PIBF1: variants seen among roughly 807,000 people sequenced by gnomAD.
PIBF1 encodes the protein progesterone-induced-blocking factor 1.
In PIBF1, 90 loss-of-function variants were observed where a neutral mutation model predicts 112.5. That is an observed-to-expected ratio of 0.80 (90% CI 0.67 to 0.95). PIBF1 has a LOEUF of 0.95. PIBF1 is among the 40% of genes least tolerant of loss of function. PIBF1 has a pLI of 0.00. For synonymous variants in PIBF1, 301 were observed against 288.6 expected (o/e 1.04, Z -0.44); for missense variants, 915 against 852.3 (o/e 1.07, Z -0.92).
intron 17 of PIBF1, among the ~76,000 whole-genome samples, chr13:73,007,514 T>C (rs1400979354): frequency 6.6e-6 from 1 of 152,100 alleles, no homozygotes; most frequent in Non-Finnish European, 1.5e-5. Context: ...GTTTGTTTTT[T>C]ACCTTTTAAA....
chr13:72,851,268 A>G (rs902018846), intron 9 of PIBF1, among the ~76,000 whole-genome samples: 27 of 152,270 alleles, frequency 1.8e-4, no homozygotes, highest in South Asian at 1.2e-3. Flanking sequence ...TTCCCTCACT[A>G]TCTTCGGCCT....
At chr13:72,822,724 G>A (rs1593978309) in intron 6 of PIBF1, among the ~76,000 whole-genome samples, 2 of 152,304 alleles carry the variant, frequency 1.3e-5, no homozygotes, top group East Asian at 3.9e-4. Flanking sequence ...GATTTAAATT[G>A]TGTAATTTAA....
chr13:72,826,120 T>A (rs967629830), intron 6 of PIBF1, among the ~76,000 whole-genome samples: 7 of 151,844 alleles, frequency 4.6e-5, no homozygotes, highest in African/African-American at 7.2e-5. Flanking sequence ...AAAATTTTTT[T>A]AATTAAAAAT....
intron 14 of PIBF1, among the ~76,000 whole-genome samples, chr13:72,964,262 T>C (rs1185215073): frequency 1.3e-5 from 2 of 152,148 alleles, no homozygotes; most frequent in East Asian, 1.9e-4. Context: ...ATTCCACTTA[T>C]GTGAGGTATC....
At chr13:72,876,199 A>C (rs548589995) in intron 10 of PIBF1, among the ~76,000 whole-genome samples, 2 of 133,930 alleles carry the variant, frequency 1.5e-5, no homozygotes, top group Admixed American at 8.5e-5. Flanking sequence ...TGAAAAGACT[A>C]TCTTTCCACC....
chr13:72,936,238 T>C (rs140091194), intron 14 of PIBF1, among the ~76,000 whole-genome samples: 539 of 152,192 alleles, frequency 3.5e-3, no homozygotes, highest in African/African-American at 0.011. Context: ...GGTCTCACTA[T>C]GTTGCTCAGG....
intron 17 of PIBF1, among the ~76,000 whole-genome samples, chr13:73,015,387 C>T (rs1016574993): frequency 6.6e-6 from 1 of 152,176 alleles, no homozygotes; most frequent in South Asian, 2.1e-4. Flanking sequence ...TACAGCCTGT[C>T]GCCTTTTAGG....
intron 10 of PIBF1, among the ~76,000 whole-genome samples, chr13:72,876,521 G>C (rs1221270704): frequency 1.3e-5 from 2 of 152,082 alleles, no homozygotes; most frequent in Non-Finnish European, 2.9e-5. Flanking sequence ...AATCAATCTT[G>C]CAAGAACTGA....
At chr13:72,843,381 G>T (rs1050379254) in intron 9 of PIBF1, among the ~76,000 whole-genome samples, 2 of 152,224 alleles carry the variant, frequency 1.3e-5, no homozygotes, top group Non-Finnish European at 2.9e-5. Context: ...TAGTGTCAGA[G>T]TGATTGGTGA....
chr13:72,882,804 A>T (rs1211254565), intron 10 of PIBF1, among the ~76,000 whole-genome samples: 1 of 152,226 alleles, frequency 6.6e-6, no homozygotes, highest in Admixed American at 6.5e-5. Flanking sequence ...GCTGATGAGG[A>T]TGTGGAGTAA....
intron 9 of PIBF1, among the ~76,000 whole-genome samples, chr13:72,851,160 C>T (rs998013450): frequency 6.6e-6 from 1 of 152,192 alleles, no homozygotes; most frequent in Non-Finnish European, 1.5e-5. Context: ...CAGCAGGAGC[C>T]GGAAACAGGC....
intron 16 of PIBF1, among the ~76,000 whole-genome samples, chr13:72,996,662 C>T (rs185494553): frequency 6.6e-6 from 1 of 152,028 alleles, no homozygotes; most frequent in East Asian, 1.9e-4. Flanking sequence ...GGGGAATGCC[C>T]CTGTAGTCCT....
intron 2 of PIBF1, among the ~76,000 whole-genome samples, chr13:72,785,544 A>G (rs1253073994): frequency 6.6e-6 from 1 of 152,306 alleles, no homozygotes; most frequent in East Asian, 1.9e-4. Flanking sequence ...TCTAAAGCCT[A>G]TACTCTACAC....
At chr13:72,879,078 A>G (rs1270115761) in intron 10 of PIBF1, among the ~76,000 whole-genome samples, 4 of 152,160 alleles carry the variant, frequency 2.6e-5, no homozygotes, top group African/African-American at 9.6e-5. Context: ...TAGAGCATTT[A>G]CATACAATGT....
At chr13:72,879,706 A>C (rs745385056) in intron 10 of PIBF1, among the ~76,000 whole-genome samples, 3 of 152,234 alleles carry the variant, frequency 2.0e-5, no homozygotes, top group Non-Finnish European at 4.4e-5. Context: ...TCGACAAACT[A>C]TGGCCGATAG....
chr13:72,999,170 T>A (rs1250404120), intron 17 of PIBF1, among the ~76,000 whole-genome samples, 175 bp downstream of exon 17: 1 of 152,180 alleles, frequency 6.6e-6, no homozygotes, highest in African/African-American at 2.4e-5. Context: ...ATTACCTATC[T>A]TATAGATGAT....
intron 5 of PIBF1, among the ~76,000 whole-genome samples, chr13:72,809,133 T>C (rs61966351): frequency 6.0e-5 from 1 of 16,618 alleles, no homozygotes; most frequent in African/African-American, 2.5e-4. Context: ...TATATGTCCC[T>C]TTTTTTTTTT....
At chr13:72,970,224 G>A (rs2042853028) in intron 15 of PIBF1, among the ~76,000 whole-genome samples, 1 of 152,028 alleles carries the variant, frequency 6.6e-6, no homozygotes, top group Admixed American at 6.6e-5. Flanking sequence ...CACATTAAAA[G>A]CTAACATTTG....
intron 14 of PIBF1, among the ~76,000 whole-genome samples, chr13:72,940,268 A>G (rs1594237977): frequency 2.0e-5 from 3 of 151,844 alleles, no homozygotes; most frequent in South Asian, 4.2e-4. Flanking sequence ...CAGTTCACTA[A>G]TCTTTTTTTC....
Sources: allele counts gnomAD v4.1 joint callset (sites outside exome capture counted in the v4.1 genomes callset), GRCh38; gene constraint gnomAD v4.1.1; transcripts MANE v1.5; gene names NCBI Gene and HGNC (gene_info 2026-07-23, HGNC 2026-07-21).